NSG1: variants seen among roughly 807,000 people sequenced by gnomAD.
The protein encoded by NSG1 is neuronal vesicle trafficking associated 1.
Under a neutral mutation model 19.3 loss-of-function variants are expected in NSG1, and 9 were observed. The ratio of observed to expected loss-of-function variants is 0.47; its 90% CI spans 0.28 to 0.81. The LOEUF is 0.81. Ranked by LOEUF, NSG1 falls within the 40% of genes least tolerant of loss-of-function variation. The pLI, the probability that NSG1 is intolerant of heterozygous loss-of-function variation, is 0.11. For missense variants in NSG1, 236 were observed against 242.4 expected (o/e 0.97, Z 0.18); for synonymous variants, 104 against 107.0 (o/e 0.97, Z 0.17).
intron 3 of NSG1, among the ~76,000 whole-genome samples, chr4:4,408,918 G>C (rs369759332): frequency 1.3e-5 from 2 of 152,340 alleles, no homozygotes; most frequent in Admixed American, 1.3e-4. Flanking sequence ...TGCAGCTGTC[G>C]TGAGTTCATC....
At chr4:4,391,441 C>A in intron 2 of NSG1, 34 bp from the exon 3 acceptor site, 2 of 1,434,378 alleles carry the variant, frequency 1.4e-6, no homozygotes, top group Non-Finnish European at 1.9e-6. Context: ...TGTCTGAATG[C>A]ATCTGACTTT....
At chr4:4,388,434 C>T (rs2108718693) in intron 2 of NSG1, among the ~76,000 whole-genome samples, 1 of 152,358 alleles carries the variant, frequency 6.6e-6, no homozygotes, top group East Asian at 1.9e-4. Flanking sequence ...AGAATCTCCT[C>T]TTTTTGAATG....
chr4:4,389,304 C>G (rs113412251), intron 2 of NSG1, among the ~76,000 whole-genome samples: 8 of 152,284 alleles, frequency 5.3e-5, no homozygotes, highest in African/African-American at 1.9e-4. Flanking sequence ...CTAGGCAGCT[C>G]GGAAAGGTGA....
In NSG1 at chr4:4,387,765, C is replaced by A. The variant is rs1349376631; in HGVS notation, c.129+7C>A. 2.5e-6 allele frequency: 4 copies of A among 1,590,048 alleles called. No homozygotes were observed. Among genetic ancestry groups the A allele is most frequent in the African/African-American group, 1.4e-5 (1 of 73,672 alleles). On this transcript the variant is annotated splice_region_variant and intron_variant, in intron 2 of 4. Coordinates refer to ENST00000621129, the MANE Select transcript of NSG1 (RefSeq NM_014392.5). ...GTTCCCGCCCCCGGATAAGGTAAGC[C>A]CCCCCACGCCCCTCCACGTTGCCGG...
chr4:4,406,033 C>T (rs7666001), intron 3 of NSG1, among the ~76,000 whole-genome samples: 1 of 152,066 alleles, frequency 6.6e-6, no homozygotes, highest in Non-Finnish European at 1.5e-5. Context: ...ACTTGAAACC[C>T]TCTTCTTTTT....
intron 4 of NSG1, among the ~76,000 whole-genome samples, chr4:4,410,465 G>A (rs769280643): frequency 6.6e-6 from 1 of 152,186 alleles, no homozygotes; most frequent in African/African-American, 2.4e-5. Flanking sequence ...CACCCACGCG[G>A]CCCAGCCTGC....
At chr4:4,415,952 G>A (rs763297381) in intron 4 of NSG1, 7 of 622,752 alleles carry the variant, frequency 1.1e-5, no homozygotes, top group Middle Eastern at 3.3e-4. Context: ...GTTCTGTAGC[G>A]TGTCAGGTGC....
chr4:4,416,085 C>T (rs1015353337), intron 4 of NSG1: 1 of 702,246 alleles, frequency 1.4e-6, no homozygotes, highest in Admixed American at 2.0e-5. Context: ...GGCTTCTTTA[C>T]TTGAGCCACT....
At chr4:4,414,769 CCTA>C (rs1431026927) in intron 4 of NSG1, among the ~76,000 whole-genome samples, 14 of 152,068 alleles carry the variant, frequency 9.2e-5, no homozygotes, top group African/African-American at 3.4e-4. Flanking sequence ...CTAAGTACCT[CCTA>C]CTATGTGCAC....
chr4:4,390,131 G>T (rs1722921516), intron 2 of NSG1, among the ~76,000 whole-genome samples: 1 of 152,212 alleles, frequency 6.6e-6, no homozygotes, highest in Non-Finnish European at 1.5e-5. Flanking sequence ...GGCCAGTCTA[G>T]GCCTGCGTGC....
In NSG1 at chr4:4,409,034, C is replaced by T. The variant is rs1724019840; in HGVS notation, c.247-539C>T. Among the ~76,000 whole-genome samples, 3 of 152,276 alleles carry T rather than the reference C, an allele frequency of 2.0e-5. No individual in the cohort carries two copies. The South Asian group carries it at 6.2e-4, about 31-fold the overall frequency. ...GTCCCTGAGGACACTTAATTAACCA[C>T]ATGGGAAACCGCCGAGGGCGAAGGC... is the stretch of plus-strand genomic sequence containing the variant. On this transcript the variant is annotated intron_variant, in intron 3 of 4. Transcript: ENST00000621129.
At chr4:4,392,393 C>T (rs1723041311) in intron 3 of NSG1, among the ~76,000 whole-genome samples, 2 of 152,176 alleles carry the variant, frequency 1.3e-5, no homozygotes, top group South Asian at 4.1e-4. Flanking sequence ...CAGTGGGCCC[C>T]AGGCCTTGCA....
At chr4:4,396,120 A>T (rs1210941259) in intron 3 of NSG1, among the ~76,000 whole-genome samples, 1 of 152,220 alleles carries the variant, frequency 6.6e-6, no homozygotes, top group Non-Finnish European at 1.5e-5. Context: ...AACTGGAGGC[A>T]TATTTACAGT....
chr4:4,413,170 C>G (rs1434157262), intron 4 of NSG1, among the ~76,000 whole-genome samples: 1 of 152,050 alleles, frequency 6.6e-6, no homozygotes, highest in African/African-American at 2.4e-5. Flanking sequence ...TCACGAGGCT[C>G]TTACATTCTC....
intron 4 of NSG1, among the ~76,000 whole-genome samples, chr4:4,414,513 G>A (rs1358185362): frequency 1.3e-5 from 2 of 152,190 alleles, no homozygotes. Context: ...GCTGGAGAAA[G>A]GAGAGGCATG....
chr4:4,414,242 C>G (rs1724392311), intron 4 of NSG1, among the ~76,000 whole-genome samples: 1 of 151,726 alleles, frequency 6.6e-6, no homozygotes, highest in Non-Finnish European at 1.5e-5. Context: ...AGATGAAGCC[C>G]CAGTCCTGTG....
At chr4:4,417,084 CAG>C in intron 4 of NSG1, 149 bp from the exon 5 acceptor site, 1 of 663,236 alleles carries the variant, frequency 1.5e-6, no homozygotes, top group Non-Finnish European at 2.7e-6. Context: ...TGTGCTCTCT[CAG>C]GGCAAGATCC....
chr4:4,391,940 C>T (rs1185452902), intron 3 of NSG1, among the ~76,000 whole-genome samples: 1 of 152,180 alleles, frequency 6.6e-6, no homozygotes, highest in East Asian at 1.9e-4. Context: ...CAGGCAATAA[C>T]AAAAAGATAA....
At chr4:4,409,141 G>A (rs1386910357) in intron 3 of NSG1, among the ~76,000 whole-genome samples, 1 of 152,234 alleles carries the variant, frequency 6.6e-6, no homozygotes, top group Non-Finnish European at 1.5e-5. Context: ...TCCCAGCACT[G>A]AGCCCAGGGC....
Sources: gnomAD v4.1 joint callset for allele counts (sites outside exome capture counted in the v4.1 genomes callset) on GRCh38, gnomAD v4.1.1 for gene constraint, MANE v1.5 for transcripts, NCBI Gene and HGNC (gene_info 2026-07-23, HGNC 2026-07-21) for gene names.